The following DCC variants were observed in gnomAD, a reference collection of about 807,000 sequenced individuals.
DCC encodes the protein DCC netrin 1 receptor, also known as netrin receptor DCC.
A neutral mutation model predicts 172.5 loss-of-function variants in DCC; 58 were observed. The observed-to-expected ratio is 0.34, with a 90% CI of 0.27 to 0.42. DCC has a LOEUF of 0.42. DCC is among the 10% of genes least tolerant of loss of function. DCC has a pLI of 1.00. For missense variants in DCC, 1,740 were observed against 1,791.0 expected, an observed-to-expected ratio of 0.97 and a Z score of 0.51; for synonymous variants, 709 against 644.5, an observed-to-expected ratio of 1.10 and a Z score of -1.52.
At position 52,868,027 on chromosome 18, in the gene DCC, A is replaced by ATGTG. The variant is rs35361097; in HGVS notation, c.413-38013_413-38010dup. On this transcript the variant is annotated intron_variant, in intron 2 of 28. Transcript: ENST00000442544. ...TTTGAATGAGATTGCTAATATGTGT[A>ATGTG]TGTGTGTATATATATATATATATAT... 4.0e-3 allele frequency among the ~76,000 whole-genome samples: 478 copies of ATGTG among 120,326 alleles called. 1 individual carries two copies. Among genetic ancestry groups the ATGTG allele is most frequent in the East Asian group, 0.038 (162 of 4,272 alleles). The allele number at this position is 120,326 out of a possible 152,430, so 78.9% of individuals were successfully genotyped here. A position where few individuals can be genotyped will look rare whatever the true frequency, so the allele number is the denominator to read the frequency against.
chr18:52,502,850 C>T (rs1598870058), intron 1 of DCC, among the ~76,000 whole-genome samples: 2 of 152,170 alleles, frequency 1.3e-5, no homozygotes, highest in Non-Finnish European at 2.9e-5. Context: ...TCAGTGACAT[C>T]GTGGGAGAAT....
chr18:53,236,079 A>G (rs1284010627), intron 12 of DCC, among the ~76,000 whole-genome samples: 1 of 152,120 alleles, frequency 6.6e-6, no homozygotes, highest in Non-Finnish European at 1.5e-5. Flanking sequence ...CTGGACATAA[A>G]CTTTGTCTCG....
At chr18:53,107,492 G>C (rs112351696) in intron 7 of DCC, among the ~76,000 whole-genome samples, 1 of 133,428 alleles carries the variant, frequency 7.5e-6, no homozygotes, top group African/African-American at 2.8e-5. Flanking sequence ...GCTCTCTTAC[G>C]TTTATAATCT....
chr18:53,338,701 C>A (rs2057619172), intron 14 of DCC, among the ~76,000 whole-genome samples: 1 of 152,092 alleles, frequency 6.6e-6, no homozygotes, highest in African/African-American at 2.4e-5. Context: ...AAAATCAGAA[C>A]AATTTATTAT....
At chr18:53,289,288 A>T (rs2056972268) in intron 12 of DCC, among the ~76,000 whole-genome samples, 1 of 152,160 alleles carries the variant, frequency 6.6e-6, no homozygotes, top group Non-Finnish European at 1.5e-5. Context: ...CTAAGCATGG[A>T]ATCACACGAA....
At chr18:53,095,431 A>G (rs1229761735) in intron 7 of DCC, among the ~76,000 whole-genome samples, 1 of 152,238 alleles carries the variant, frequency 6.6e-6, no homozygotes, top group Non-Finnish European at 1.5e-5. Context: ...ACAAAACTAT[A>G]TTAGCATCCA....
chr18:52,770,519 G>A (rs757491386), intron 2 of DCC, among the ~76,000 whole-genome samples: 1 of 152,178 alleles, frequency 6.6e-6, no homozygotes, highest in African/African-American at 2.4e-5. Flanking sequence ...GGCTTCCTGA[G>A]AGCAGTCAGA....
intron 1 of DCC, among the ~76,000 whole-genome samples, chr18:52,557,163 C>T (rs2032935923): frequency 6.6e-6 from 1 of 152,092 alleles, no homozygotes; most frequent in Non-Finnish European, 1.5e-5. Flanking sequence ...CAAGTATAAT[C>T]TTTCTTCAAG....
chr18:52,632,611 G>C (rs896574077), intron 1 of DCC, among the ~76,000 whole-genome samples: 3 of 152,102 alleles, frequency 2.0e-5, no homozygotes, highest in African/African-American at 7.2e-5. Flanking sequence ...TTTCATTCTT[G>C]GTTGCTCTTT....
At chr18:53,438,439 G>C (rs911243516) in intron 22 of DCC, among the ~76,000 whole-genome samples, 33 of 152,044 alleles carry the variant, frequency 2.2e-4, no homozygotes, top group Non-Finnish European at 8.8e-5. Flanking sequence ...AATATAAAGA[G>C]GCCAAGTAAC....
chr18:53,351,472 A>G (rs58979035), intron 15 of DCC, among the ~76,000 whole-genome samples: 1 of 59,860 alleles, frequency 1.7e-5, no homozygotes, highest in African/African-American at 7.6e-5. Flanking sequence ...GTGTGTATAT[A>G]TATATATATA....
chr18:53,122,917 C>T (rs1283341841), intron 7 of DCC, among the ~76,000 whole-genome samples: 1 of 152,038 alleles, frequency 6.6e-6, no homozygotes, highest in Non-Finnish European at 1.5e-5. Flanking sequence ...TTGCCAAATG[C>T]CCCTCCTTCC....
intron 5 of DCC, among the ~76,000 whole-genome samples, chr18:52,938,878 C>A (rs2040420565): frequency 6.6e-6 from 1 of 152,010 alleles, no homozygotes; most frequent in African/African-American, 2.4e-5. Flanking sequence ...CTTCCCCCAT[C>A]CAACTGCTCT....
chr18:52,933,954 G>T (rs1388007011), intron 5 of DCC, among the ~76,000 whole-genome samples: 2 of 152,034 alleles, frequency 1.3e-5, no homozygotes, highest in African/African-American at 4.8e-5. Context: ...AGAATAATCA[G>T]GCACAGCTTT....
chr18:53,181,508 T>C (rs1207892464), intron 9 of DCC, among the ~76,000 whole-genome samples: 1 of 151,254 alleles, frequency 6.6e-6, no homozygotes, highest in Non-Finnish European at 1.5e-5. Flanking sequence ...CCATAAAAAT[T>C]AAAAAAAATA....
chr18:53,526,992 A>G, intron 28 of DCC: 1 of 530,710 alleles, frequency 1.9e-6, no homozygotes, highest in South Asian at 2.0e-5. Context: ...ATTCTTAAGG[A>G]CAGTCTTAGA....
chr18:52,827,065 A>T (rs1231046480), intron 2 of DCC, among the ~76,000 whole-genome samples: 1 of 152,178 alleles, frequency 6.6e-6, no homozygotes, highest in Non-Finnish European at 1.5e-5. Flanking sequence ...CCCGGACTTG[A>T]GCATCCCCAG....
At chr18:52,594,406 C>T (rs2033865348) in intron 1 of DCC, among the ~76,000 whole-genome samples, 1 of 152,136 alleles carries the variant, frequency 6.6e-6, no homozygotes. Context: ...TGATGCCTCT[C>T]CCCTTCATGT....
chr18:52,376,392 G>A (rs780005236), intron 1 of DCC, among the ~76,000 whole-genome samples: 18 of 152,182 alleles, frequency 1.2e-4, no homozygotes, highest in Non-Finnish European at 2.1e-4. Context: ...GAGGAGGGAG[G>A]GGTTAGTTAA....
Sources: gnomAD v4.1 joint callset for allele counts (sites outside exome capture counted in the v4.1 genomes callset) on GRCh38, gnomAD v4.1.1 for gene constraint, MANE v1.5 for transcripts, NCBI Gene and HGNC (gene_info 2026-07-23, HGNC 2026-07-21) for gene names.